Variants in PLCXD3 observed in about 807,000 individuals in gnomAD.
PLCXD3 encodes phosphatidylinositol specific phospholipase C X domain containing 3.
PLCXD3 carries 19 observed loss-of-function variants against 25.5 expected under a neutral mutation model. That is an observed-to-expected ratio of 0.75 (90% CI 0.52 to 1.09). PLCXD3 has a LOEUF of 1.09. PLCXD3 is among the 50% of genes least tolerant of loss of function. The pLI, the probability that PLCXD3 is intolerant of heterozygous loss-of-function variation, is 0.00. For synonymous variants in PLCXD3, 174 were observed against 137.6 expected (o/e 1.26, Z -1.85); for missense variants, 411 against 388.1 (o/e 1.06, Z -0.50).
At chr5:41,361,333 T>C (rs145108082) in intron 2 of PLCXD3, among the ~76,000 whole-genome samples, 1 of 152,202 alleles carries the variant, frequency 6.6e-6, no homozygotes, top group African/African-American at 2.4e-5. Context: ...ACCATGAGCT[T>C]CCCTGCTGAG....
chr5:41,350,908 C>T (rs1744442637), intron 2 of PLCXD3, among the ~76,000 whole-genome samples: 1 of 152,018 alleles, frequency 6.6e-6, no homozygotes, highest in Non-Finnish European at 1.5e-5. Context: ...TTATTTTGTA[C>T]AACTTTATGG....
At chr5:41,404,578 A>G (rs977469848) in intron 1 of PLCXD3, among the ~76,000 whole-genome samples, 3 of 152,172 alleles carry the variant, frequency 2.0e-5, no homozygotes, top group Non-Finnish European at 4.4e-5. Flanking sequence ...TGGAACAATA[A>G]AAACTGCTTC....
At position 41,367,072 on chromosome 5, in the gene PLCXD3, C is replaced by T. The variant is rs150002848; in HGVS notation, c.812+14754G>A. ...CATTTGGGTTGATTCCATGTCTTTG[C>T]TATTGTGAGTAGTGCTGCAATGAAC... On this transcript the variant is annotated intron_variant, in intron 2 of 2. Transcript: ENST00000377801. 6.8e-4 allele frequency among the ~76,000 whole-genome samples: 104 copies of T among 152,232 alleles called. No individual in the cohort carries two copies. The East Asian group carries it at 0.019, about 28-fold the overall frequency.
intron 2 of PLCXD3, among the ~76,000 whole-genome samples, chr5:41,369,128 G>A (rs1745020569): frequency 6.6e-6 from 1 of 152,184 alleles, no homozygotes; most frequent in Non-Finnish European, 1.5e-5. Context: ...GGAAGACCAT[G>A]TAGAAATGTC....
intron 2 of PLCXD3, among the ~76,000 whole-genome samples, chr5:41,342,577 C>T (rs953995151): frequency 1.3e-5 from 2 of 151,916 alleles, no homozygotes; most frequent in Admixed American, 6.6e-5. Flanking sequence ...GAGTACCTTC[C>T]AAAACTGAAA....
chr5:41,475,273 G>T (rs56243389), intron 1 of PLCXD3, among the ~76,000 whole-genome samples: 1 of 152,194 alleles, frequency 6.6e-6, no homozygotes, highest in Non-Finnish European at 1.5e-5. Flanking sequence ...CAGCAGACTT[G>T]TAACGGGGTT....
intron 2 of PLCXD3, among the ~76,000 whole-genome samples, chr5:41,324,924 C>G (rs1743582035): frequency 6.6e-6 from 1 of 152,136 alleles, no homozygotes; most frequent in Admixed American, 6.6e-5. Context: ...GTAGCTTGTT[C>G]ACCAGATCCC....
chr5:41,498,076 A>T (rs318019), intron 1 of PLCXD3, among the ~76,000 whole-genome samples: 62,525 of 151,372 alleles, frequency 0.41, 12,921 homozygotes, highest in Middle Eastern at 0.48. Flanking sequence ...ACAGTAATAA[A>T]TGCCTATATT....
intron 1 of PLCXD3, among the ~76,000 whole-genome samples, chr5:41,415,733 A>G (rs928156645): frequency 3.3e-5 from 5 of 152,182 alleles, no homozygotes; most frequent in African/African-American, 1.2e-4. Flanking sequence ...ATAGGAAGGG[A>G]TATTATTATC....
intron 1 of PLCXD3, among the ~76,000 whole-genome samples, chr5:41,419,577 C>T (rs150654934): frequency 6.6e-6 from 1 of 152,202 alleles, no homozygotes; most frequent in South Asian, 2.1e-4. Context: ...TGAGGTTTTT[C>T]CCCCAGAGAT....
chr5:41,353,954 T>C (rs1744545094), intron 2 of PLCXD3, among the ~76,000 whole-genome samples: 1 of 152,222 alleles, frequency 6.6e-6, no homozygotes, highest in Non-Finnish European at 1.5e-5. Flanking sequence ...ATATCTTTGG[T>C]GCCTAGAATA....
intron 2 of PLCXD3, among the ~76,000 whole-genome samples, chr5:41,368,818 T>C (rs943091283): frequency 5.3e-5 from 8 of 152,234 alleles, no homozygotes; most frequent in Non-Finnish European, 8.8e-5. Flanking sequence ...TCTTTAGTTC[T>C]TTTTCACATA....
rs1213970974 is a variant in PLCXD3, at chr5:41,510,510, C to T, written c.17G>A (p.Gly6Glu). ...GTCGGCTAATTTCAGCTCGTTTTTC[C>T]CCTGAGACGAGGCCATCGTGCCAGT... Reference protein sequence around the residue: MASSQGKNELKLADWM... With the variant: MASSQEKNELKLADWM... Residue 6 changes from glycine to glutamate, a missense_variant, in exon 1 of 3, where the codon GGG (glycine) becomes GAG (glutamate). Coordinates refer to ENST00000377801, the MANE Select transcript of PLCXD3 (RefSeq NM_001005473.3). 6.2e-7 allele frequency: 1 copy of T among 1,613,140 alleles called. No individual in the cohort carries two copies.
rs1221381176 is a variant in PLCXD3 at position 41,308,635 on chromosome 5, C to G, written c.*4982G>C. On this transcript the variant is annotated 3_prime_UTR_variant, in exon 3 of 3. Transcript: ENST00000377801. ...TCTCGAGAAGAGAACCATGTTGGAA[C>G]CACCTAGTATGGATGGGCCTTTAAA... The G allele has an allele frequency of 1.3e-5, 2 of 152,056 alleles. No homozygotes were observed. The highest frequency in any genetic ancestry group is 1.9e-4 in the East Asian group (1 of 5,174). The allele number at this position is 152,056 out of a possible 1,614,324, so 9.4% of individuals were successfully genotyped here.
intron 1 of PLCXD3, among the ~76,000 whole-genome samples, chr5:41,484,269 A>ACATACC (rs1554052976): frequency 6.8e-6 from 1 of 146,076 alleles, no homozygotes; most frequent in African/African-American, 2.6e-5. Flanking sequence ...ACACACACAC[A>ACATACC]CACTAACTGT....
intron 1 of PLCXD3, among the ~76,000 whole-genome samples, chr5:41,421,549 A>C (rs1265599402): frequency 6.6e-6 from 1 of 151,772 alleles, no homozygotes; most frequent in Non-Finnish European, 1.5e-5. Flanking sequence ...AAAATACAAA[A>C]AATTAACCGG....
intron 2 of PLCXD3, among the ~76,000 whole-genome samples, chr5:41,364,210 A>G (rs966945100): frequency 6.6e-6 from 1 of 152,182 alleles, no homozygotes; most frequent in Non-Finnish European, 1.5e-5. Context: ...ACTATGCACA[A>G]GACAGCTTCC....
intron 1 of PLCXD3, among the ~76,000 whole-genome samples, chr5:41,395,738 C>T (rs554309065): frequency 6.6e-6 from 1 of 152,100 alleles, no homozygotes; most frequent in South Asian, 2.1e-4. Flanking sequence ...TACATTCAAC[C>T]TAGCAAGACT....
At chr5:41,324,833 T>C (rs1373977071) in intron 2 of PLCXD3, among the ~76,000 whole-genome samples, 1 of 152,198 alleles carries the variant, frequency 6.6e-6, no homozygotes, top group Non-Finnish European at 1.5e-5. Flanking sequence ...TTCAACAGAC[T>C]CATTCACCTT....
Sources: gnomAD v4.1 joint callset for allele counts (sites outside exome capture counted in the v4.1 genomes callset) on GRCh38, gnomAD v4.1.1 for gene constraint, MANE v1.5 for transcripts, NCBI Gene and HGNC (gene_info 2026-07-23, HGNC 2026-07-21) for gene names.